The following LRRIQ3 variants were observed in gnomAD, a reference collection of about 807,000 sequenced individuals.
LRRIQ3 encodes leucine-rich repeat and IQ domain-containing protein 3.
LRRIQ3 carries 75 observed loss-of-function variants against 59.3 expected under a neutral mutation model. The observed-to-expected ratio is 1.26, with a 90% confidence interval of 1.05 to 1.53. The LOEUF (loss-of-function observed/expected upper bound fraction) is 1.53. Among genes scored for constraint, LRRIQ3 ranks in the 40% most tolerant of loss-of-function variants. The probability of loss-of-function intolerance (pLI) is 0.00; values close to 1 mark genes in which losing one functional copy is unlikely to be tolerated. For missense variants in LRRIQ3, 831 were observed against 710.0 expected, an observed-to-expected ratio of 1.17 and a Z score of -1.94; for synonymous variants, 250 against 231.3, an observed-to-expected ratio of 1.08 and a Z score of -0.73.
chr1:74,186,294 G>A (rs2100732390), intron 1 of LRRIQ3, among the ~76,000 whole-genome samples: 1 of 151,986 alleles, frequency 6.6e-6, no homozygotes, highest in Non-Finnish European at 1.5e-5. Flanking sequence ...TAAACCTTCT[G>A]CATTAATGCT....
chr1:74,066,136 A>C (rs2100456363), intron 6 of LRRIQ3, among the ~76,000 whole-genome samples: 1 of 151,824 alleles, frequency 6.6e-6, no homozygotes, highest in South Asian at 2.1e-4. Context: ...CAGTGAGCCA[A>C]GATCATGCCA....
At chr1:74,169,841 G>A (rs1394472158) in intron 3 of LRRIQ3, among the ~76,000 whole-genome samples, 1 of 151,952 alleles carries the variant, frequency 6.6e-6, no homozygotes, top group East Asian at 1.9e-4. Flanking sequence ...GCTTTGTTGT[G>A]TTTTAATAAT....
intron 6 of LRRIQ3, among the ~76,000 whole-genome samples, chr1:74,072,062 T>C (rs1655042952): frequency 6.6e-6 from 1 of 152,050 alleles, no homozygotes; most frequent in Admixed American, 6.6e-5. Flanking sequence ...AATTAACAAA[T>C]CATATATTAC....
At position 74,198,173 on chromosome 1, in the gene LRRIQ3, G is replaced by T; in HGVS notation, c.-178C>A. 6.5e-7 allele frequency: 1 copy of T among 1,530,322 alleles called. No individual in the cohort carries two copies. The highest frequency in any genetic ancestry group is 1.2e-5 in the South Asian group (1 of 81,378). 94.8% of individuals were successfully genotyped at this position (1,530,322 alleles called of 1,614,324 possible). A position where few individuals can be genotyped will look rare whatever the true frequency, so the allele number is the denominator to read the frequency against. On this transcript the variant is annotated 5_prime_UTR_variant, in exon 1 of 8. Coordinates refer to ENST00000354431, the MANE Select transcript of LRRIQ3 (RefSeq NM_001105659.2). ...GCCAGCCAAGGCGCTCCGGGGGCGTGGTTACGTGGGCGACGCACGGAGGGG... is the reference window on the plus strand; with the variant it reads ...GCCAGCCAAGGCGCTCCGGGGGCGTTGTTACGTGGGCGACGCACGGAGGGG...
chr1:74,037,672 C>G (rs529472131), intron 7 of LRRIQ3, among the ~76,000 whole-genome samples: 17 of 151,986 alleles, frequency 1.1e-4, no homozygotes, highest in Admixed American at 9.2e-4. Context: ...ACAACAACAA[C>G]AAAAAACAAG....
At chr1:74,060,973 G>C (rs1460221820) in intron 6 of LRRIQ3, among the ~76,000 whole-genome samples, 1 of 152,136 alleles carries the variant, frequency 6.6e-6, no homozygotes, top group African/African-American at 2.4e-5. Context: ...CAGACCTCTG[G>C]AATTCTGGCA....
chr1:74,078,589 G>T (rs533671040), intron 5 of LRRIQ3: 3 of 151,820 alleles, frequency 2.0e-5, no homozygotes, highest in African/African-American at 4.8e-5. Context: ...TTAGGAATTT[G>T]TTATGTGATG....
intron 7 of LRRIQ3, among the ~76,000 whole-genome samples, chr1:74,027,768 C>A (rs749448292): frequency 7.9e-5 from 12 of 151,984 alleles, no homozygotes; most frequent in Non-Finnish European, 1.6e-4. Context: ...ATGGCACTAA[C>A]CTTAGATGCT....
chr1:74,195,765 C>T (rs1651075162), intron 1 of LRRIQ3, among the ~76,000 whole-genome samples: 1 of 152,094 alleles, frequency 6.6e-6, no homozygotes, highest in Admixed American at 6.6e-5. Context: ...GGGCTTACAG[C>T]TTGGCTGGAT....
intron 3 of LRRIQ3, among the ~76,000 whole-genome samples, chr1:74,177,087 C>T (rs967929229): frequency 1.3e-5 from 2 of 152,142 alleles, no homozygotes; most frequent in African/African-American, 4.8e-5. Context: ...AGAGAGCAGG[C>T]TTCTGTTACT....
intron 6 of LRRIQ3, among the ~76,000 whole-genome samples, chr1:74,061,208 A>C (rs1570049058): frequency 6.6e-6 from 1 of 152,326 alleles, no homozygotes; most frequent in African/African-American, 2.4e-5. Context: ...TGAAATACCT[A>C]GGAATACAGC....
chr1:74,144,687 T>C (rs1344876530), intron 4 of LRRIQ3: 2 of 165,180 alleles, frequency 1.2e-5, no homozygotes, highest in Non-Finnish European at 2.7e-5. Flanking sequence ...AGTGTACATA[T>C]GTTCTATTGC....
chr1:74,141,739 CTA>C (rs1456010944), intron 4 of LRRIQ3, among the ~76,000 whole-genome samples: 1 of 151,488 alleles, frequency 6.6e-6, no homozygotes, highest in Non-Finnish European at 1.5e-5. Flanking sequence ...TTATATAAAA[CTA>C]AGAAAAAAAC....
chr1:74,144,282 A>C (rs1361562412), intron 4 of LRRIQ3: 2 of 177,764 alleles, frequency 1.1e-5, no homozygotes, highest in Admixed American at 1.3e-4. Context: ...GCATAATCCC[A>C]GGATATCCAC....
chr1:74,157,162 G>A (rs1384197179), intron 3 of LRRIQ3, among the ~76,000 whole-genome samples: 6 of 151,938 alleles, frequency 3.9e-5, no homozygotes, highest in East Asian at 1.9e-4. Context: ...GACACTATTC[G>A]ATACTCTTCC....
intron 5 of LRRIQ3, among the ~76,000 whole-genome samples, chr1:74,103,814 T>G (rs1570118705): frequency 6.6e-6 from 1 of 151,360 alleles, no homozygotes; most frequent in East Asian, 1.9e-4. Context: ...TTACCTGAAT[T>G]TAAAGTAGAC....
At chr1:74,160,891 T>A (rs983868220) in intron 3 of LRRIQ3, among the ~76,000 whole-genome samples, 1 of 152,106 alleles carries the variant, frequency 6.6e-6, no homozygotes, top group Non-Finnish European at 1.5e-5. Flanking sequence ...CAGAATTTCC[T>A]CTAGTTCCTG....
intron 7 of LRRIQ3, among the ~76,000 whole-genome samples, chr1:74,032,308 T>TGTGG (rs1653742618): frequency 6.6e-6 from 1 of 152,156 alleles, no homozygotes; most frequent in Non-Finnish European, 1.5e-5. Context: ...CATAACAATT[T>TGTGG]ACCCATAAAT....
At chr1:74,150,537 T>G (rs938359827) in intron 4 of LRRIQ3, among the ~76,000 whole-genome samples, 1 of 152,150 alleles carries the variant, frequency 6.6e-6, no homozygotes, top group Non-Finnish European at 1.5e-5. Context: ...TTAATGTATT[T>G]TAATCATATT....
Sources: allele counts gnomAD v4.1 joint callset (sites outside exome capture counted in the v4.1 genomes callset), GRCh38; gene constraint gnomAD v4.1.1; transcripts MANE v1.5; gene names NCBI Gene and HGNC (gene_info 2026-07-23, HGNC 2026-07-21).